Variants in KCNIP1 observed in about 807,000 individuals in gnomAD.
The protein encoded by KCNIP1 is A-type potassium channel modulatory protein KCNIP1.
Under a neutral mutation model 33.0 loss-of-function variants are expected in KCNIP1, and 18 were observed. The observed-to-expected ratio is 0.55, with a 90% confidence interval of 0.38 to 0.81. The LOEUF (loss-of-function observed/expected upper bound fraction) is 0.81, where lower values mean the gene tolerates loss of function less well. Among genes scored for constraint, KCNIP1 ranks in the 30% least tolerant of loss-of-function variants. The pLI is 0.00. For synonymous variants in KCNIP1, 93 were observed against 98.3 expected (o/e 0.95, Z 0.32); for missense variants, 238 against 271.6 (o/e 0.88, Z 0.87).
intron 1 of KCNIP1, among the ~76,000 whole-genome samples, chr5:170,627,723 A>G (rs1490020904): frequency 6.6e-6 from 1 of 152,230 alleles, no homozygotes; most frequent in African/African-American, 2.4e-5. Flanking sequence ...GTGACAAATA[A>G]AAAGGCTGAG....
intron 1 of KCNIP1, among the ~76,000 whole-genome samples, chr5:170,426,247 TCACACACACA>T (rs143211356): frequency 2.7e-5 from 4 of 149,162 alleles, no homozygotes; most frequent in Admixed American, 2.0e-4. Context: ...TCAAAAGGAA[TCACACACACA>T]CACACACACA....
In KCNIP1 at chr5:170,549,916, T is replaced by C. The variant is rs142048814; in HGVS notation, c.61+45283T>C. Among the ~76,000 whole-genome samples the C allele has an allele frequency of 2.2e-4, 34 of 152,342 alleles. No homozygotes were observed. In the East Asian group the frequency reaches 5.2e-3, roughly 23 times the overall value. On this transcript the variant is annotated intron_variant, in intron 1 of 7. Transcript: ENST00000328939. Reference sequence around the variant, plus strand: ...TGTCAATGAACATTTAAATGTGGATTATAGAGAAAGTAAGATTTATTCAAC... The same window carrying C: ...TGTCAATGAACATTTAAATGTGGATCATAGAGAAAGTAAGATTTATTCAAC...
rs150058810 is a variant in KCNIP1, at chr5:170,654,977, G to T, written c.62-63781G>T. ...TAAATTCAGAACAATTCAAAAATGA[G>T]CCAGAATCTAGTTTGCATCATTACC... On this transcript the variant is annotated intron_variant, in intron 1 of 7. Transcript: ENST00000328939. 5.9e-3 allele frequency among the ~76,000 whole-genome samples: 896 copies of T among 152,216 alleles called. 8 individuals carry two copies. Among genetic ancestry groups the T allele is most frequent in the Admixed American group, 0.011 (163 of 15,290 alleles).
chr5:170,537,469 G>C (rs1756035833), intron 1 of KCNIP1, among the ~76,000 whole-genome samples: 1 of 152,306 alleles, frequency 6.6e-6, no homozygotes, highest in East Asian at 1.9e-4. Flanking sequence ...CATACAGGCA[G>C]GAGTAAATGC....
intron 1 of KCNIP1, among the ~76,000 whole-genome samples, chr5:170,586,295 C>A (rs1044623170): frequency 6.6e-6 from 1 of 152,172 alleles, no homozygotes; most frequent in South Asian, 2.1e-4. Flanking sequence ...TTCTTTGTAA[C>A]CTTCCCAGTA....
chr5:170,398,743 G>T (rs903235784), intron 1 of KCNIP1, among the ~76,000 whole-genome samples: 1 of 152,210 alleles, frequency 6.6e-6, no homozygotes, highest in African/African-American at 2.4e-5. Context: ...GGCTCCAGGG[G>T]CTGAATGCCC....
intron 1 of KCNIP1, among the ~76,000 whole-genome samples, chr5:170,416,374 G>A (rs1032080495): frequency 6.6e-6 from 1 of 152,144 alleles, no homozygotes; most frequent in African/African-American, 2.4e-5. Flanking sequence ...CTCAGTCAGG[G>A]AAGGCCTGGA....
chr5:170,472,518 T>C (rs1317460346), intron 1 of KCNIP1, among the ~76,000 whole-genome samples: 1 of 152,174 alleles, frequency 6.6e-6, no homozygotes, highest in Non-Finnish European at 1.5e-5. Context: ...GAGATTTTGG[T>C]GCACCCATCA....
chr5:170,483,195 G>A (rs1757013911), intron 1 of KCNIP1: 1 of 400,050 alleles, frequency 2.5e-6, no homozygotes, highest in Non-Finnish European at 4.9e-6. Flanking sequence ...GAAAATCATA[G>A]GTAACTATGA....
intron 1 of KCNIP1, chr5:170,354,005 T>C: frequency 6.4e-7 from 1 of 1,570,676 alleles, no homozygotes; most frequent in South Asian, 1.1e-5. Flanking sequence ...TGTCTTGATA[T>C]GGCCTGGCTG....
intron 1 of KCNIP1, chr5:170,681,279 C>T (rs559034917): frequency 7.6e-5 from 30 of 395,824 alleles, no homozygotes; most frequent in African/African-American, 5.5e-4. Flanking sequence ...AGGGCGGAGA[C>T]CCGAGAGATT....
intron 1 of KCNIP1, among the ~76,000 whole-genome samples, chr5:170,534,468 G>GAGA (rs1462268169): frequency 3.2e-5 from 4 of 126,484 alleles, no homozygotes; most frequent in Non-Finnish European, 6.3e-5. Context: ...GAGGGAGAGG[G>GAGA]AGAAGGAGGA....
intron 1 of KCNIP1, among the ~76,000 whole-genome samples, chr5:170,361,827 C>T (rs996809254): frequency 4.6e-5 from 7 of 152,150 alleles, no homozygotes; most frequent in South Asian, 2.1e-4. Context: ...CAAGAGGCTC[C>T]GCCTTCATGA....
At chr5:170,405,908 C>T (rs1430492915) in intron 1 of KCNIP1, among the ~76,000 whole-genome samples, 2 of 152,136 alleles carry the variant, frequency 1.3e-5, no homozygotes, top group Non-Finnish European at 2.9e-5. Flanking sequence ...CTCATGGAAA[C>T]CTTGTGTGAT....
At chr5:170,528,449 C>T (rs1862331) in intron 1 of KCNIP1, among the ~76,000 whole-genome samples, 10,047 of 152,220 alleles carry the variant, frequency 0.066, 420 homozygotes, top group African/African-American at 0.11. Context: ...AATGGGCTCT[C>T]CTGCATGGCT....
intron 1 of KCNIP1, among the ~76,000 whole-genome samples, chr5:170,505,803 A>G (rs1323618823): frequency 6.6e-6 from 1 of 152,198 alleles, no homozygotes; most frequent in African/African-American, 2.4e-5. Flanking sequence ...CCCCGAGGAA[A>G]GAGATCTCTG....
At chr5:170,521,837 T>C (rs193042355) in intron 1 of KCNIP1, among the ~76,000 whole-genome samples, 78 of 152,340 alleles carry the variant, frequency 5.1e-4, no homozygotes, top group African/African-American at 1.8e-3. Flanking sequence ...GGCTGAAACA[T>C]AGAATTGTTT....
chr5:170,410,155 C>A (rs1404011770), intron 1 of KCNIP1, among the ~76,000 whole-genome samples: 2 of 152,274 alleles, frequency 1.3e-5, no homozygotes, highest in African/African-American at 4.8e-5. Flanking sequence ...GCAGGGCCTC[C>A]TGAGTCCCCC....
intron 1 of KCNIP1, among the ~76,000 whole-genome samples, chr5:170,539,189 C>T (rs1469833813): frequency 6.6e-6 from 1 of 152,126 alleles, no homozygotes; most frequent in Non-Finnish European, 1.5e-5. Flanking sequence ...AAATTTGCCT[C>T]CTACAAGTCA....
Sources: allele counts gnomAD v4.1 joint callset (sites outside exome capture counted in the v4.1 genomes callset), GRCh38; gene constraint gnomAD v4.1.1; transcripts MANE v1.5; gene names NCBI Gene and HGNC (gene_info 2026-07-23, HGNC 2026-07-21).